SDR9C7: variants seen among roughly 807,000 people sequenced by gnomAD.
SDR9C7 encodes short-chain dehydrogenase/reductase family 9C member 7.
SDR9C7 carries 11 observed loss-of-function variants against 23.6 expected under a neutral mutation model. That is an observed-to-expected ratio of 0.47 (90% CI 0.29 to 0.77). The LOEUF is 0.77. SDR9C7 is among the 30% of genes least tolerant of loss of function. SDR9C7 has a pLI of 0.09. For missense variants in SDR9C7, 387 were observed against 407.1 expected (o/e 0.95, Z 0.42); for synonymous variants, 167 against 157.3 (o/e 1.06, Z -0.46).
intron 3 of SDR9C7, among the ~76,000 whole-genome samples, chr12:56,924,612 A>C (rs1412638204): frequency 6.6e-6 from 1 of 152,156 alleles, no homozygotes; most frequent in Non-Finnish European, 1.5e-5. Context: ...TTGTCTATAA[A>C]ATGGAGATAA....
intron 1 of SDR9C7, among the ~76,000 whole-genome samples, chr12:56,930,702 C>T (rs923448135): frequency 6.6e-5 from 10 of 152,218 alleles, no homozygotes; most frequent in Non-Finnish European, 1.3e-4. Context: ...GGCTAGCTGG[C>T]GCTCTGTACT....
intron 3 of SDR9C7, 112 bp downstream of exon 3, chr12:56,929,278 G>C (rs1955752146): frequency 6.8e-6 from 7 of 1,032,004 alleles, no homozygotes; most frequent in Non-Finnish European, 8.7e-6. Flanking sequence ...TGTGACCTTG[G>C]GTCCTGAACT....
chr12:56,924,417 A>C (rs1291500027), intron 3 of SDR9C7, among the ~76,000 whole-genome samples: 1 of 148,452 alleles, frequency 6.7e-6, no homozygotes, highest in Non-Finnish European at 1.5e-5. Flanking sequence ...AAACAGAATG[A>C]CACGCTGTCT....
chr12:56,926,588 A>T (rs776781524), intron 3 of SDR9C7, among the ~76,000 whole-genome samples: 5 of 152,240 alleles, frequency 3.3e-5, no homozygotes, highest in Non-Finnish European at 7.3e-5. Context: ...TTACTGTAGC[A>T]GAGCTGAGTA....
chr12:56,927,972 T>G (rs1472987538), intron 3 of SDR9C7, among the ~76,000 whole-genome samples: 1 of 152,210 alleles, frequency 6.6e-6, no homozygotes, highest in Non-Finnish European at 1.5e-5. Flanking sequence ...CTAGTGTAAA[T>G]CCTTAGACAT....
chr12:56,925,907 G>A (rs536846589), intron 3 of SDR9C7, among the ~76,000 whole-genome samples: 43 of 152,308 alleles, frequency 2.8e-4, no homozygotes, highest in African/African-American at 8.9e-4. Context: ...CACAGGCAGT[G>A]GGGTGGGAGA....
rs267603591 is a variant in SDR9C7 at position 56,929,403 on chromosome 12, A to C, written c.711T>G (p.Asp237Glu). Residue 237 changes from aspartate to glutamate, a missense_variant, in exon 3 of 4, where the codon GAT (aspartate) becomes GAG (glutamate). Asp to Glu is a conservative substitution (Grantham distance 45). Coordinates refer to ENST00000293502, the MANE Select transcript of SDR9C7 (RefSeq NM_148897.3). Reference sequence around the variant, plus strand: ...CCAGGAACTTACAGATGCGGAAATAATCCTCTCCGTAGCTGTCCCGGGTCT... The same window carrying C: ...CCAGGAACTTACAGATGCGGAAATACTCCTCTCCGTAGCTGTCCCGGGTCT... ...PQETRDSYGE[D>E]YFRIYTDKLK... 2 of 1,604,828 alleles carry C rather than the reference A, an allele frequency of 1.2e-6. No individual in the cohort carries two copies. The highest frequency in any genetic ancestry group is 4.5e-5 in the East Asian group (2 of 44,504).
intron 1 of SDR9C7, among the ~76,000 whole-genome samples, chr12:56,933,696 C>T (rs1193943494): frequency 6.6e-6 from 1 of 152,210 alleles, no homozygotes; most frequent in Non-Finnish European, 1.5e-5. Flanking sequence ...ACACAGAACA[C>T]ATCTTCCCCC....
rs946880924 is a variant in SDR9C7 at position 56,930,401 on chromosome 12, C to G, written c.385G>C (p.Val129Leu). The G allele has an allele frequency of 1.4e-5, 23 of 1,614,054 alleles. No homozygotes were observed. The highest frequency in any genetic ancestry group is 2.7e-5 in the African/African-American group (2 of 74,916). The change falls in exon 2 of 4, where the codon GTG becomes CTG. Residue 129 changes from valine to leucine, a missense_variant. Physicochemically the swap from Val to Leu is conservative, Grantham distance 32. Transcript: ENST00000293502. The part of the protein sequence containing the change: ...EWLTKDDFVK[V>L]INVNLVGLIE... ...AGTCCCACCAGGTTCACATTAATCA[C>G]CTTCACAAAGTCATCCTTGGTCAGC...
At chr12:56,933,865 C>A in intron 1 of SDR9C7, 96 bp downstream of exon 1, 1 of 1,428,486 alleles carries the variant, frequency 7.0e-7, no homozygotes, top group East Asian at 2.3e-5. Flanking sequence ...CCCACCCAAT[C>A]TGGACATCAG....
chr12:56,930,185 G>C lies in SDR9C7; in HGVS notation c.560+41C>G, dbSNP rs1414221458. 5 of 1,605,240 alleles carry C rather than the reference G, an allele frequency of 3.1e-6. No homozygotes were observed. In the African/African-American group the frequency reaches 6.7e-5, roughly 22 times the overall value. ...CACTCCCAACCCTCTCTAATCTCTG[G>C]GATTTTCACCCAGAATTGTTCAGTA... On this transcript the variant is annotated intron_variant, in intron 2 of 3. Coordinates refer to ENST00000293502, the MANE Select transcript of SDR9C7 (RefSeq NM_148897.3).
At chr12:56,933,374 T>C (rs963836271) in intron 1 of SDR9C7, among the ~76,000 whole-genome samples, 3 of 152,098 alleles carry the variant, frequency 2.0e-5, no homozygotes, top group African/African-American at 4.8e-5. Context: ...TTTTTTTTCT[T>C]TTTGAGAGGG....
chr12:56,924,429 A>G (rs936965221), intron 3 of SDR9C7, among the ~76,000 whole-genome samples: 2 of 150,924 alleles, frequency 1.3e-5, no homozygotes, highest in African/African-American at 4.9e-5. Context: ...ACGCTGTCTC[A>G]AAATAAATAA....
intron 1 of SDR9C7, 151 bp downstream of exon 1, chr12:56,933,810 G>A: frequency 1.1e-6 from 1 of 904,612 alleles, no homozygotes; most frequent in East Asian, 2.6e-5. Context: ...CCATGCAGTG[G>A]CTTCCAATCA....
chr12:56,925,738 C>T (rs1955729440), intron 3 of SDR9C7, among the ~76,000 whole-genome samples: 1 of 152,220 alleles, frequency 6.6e-6, no homozygotes, highest in African/African-American at 2.4e-5. Flanking sequence ...ACAGAGGCCA[C>T]CAGCAGCAGG....
At chr12:56,932,108 C>A (rs1480506387) in intron 1 of SDR9C7, among the ~76,000 whole-genome samples, 2 of 152,148 alleles carry the variant, frequency 1.3e-5, no homozygotes, top group Non-Finnish European at 2.9e-5. Context: ...ATCTCTGGAA[C>A]CTGTGAATCT....
Position 56,923,790 on chromosome 12 carries a change from T to TC in SDR9C7, c.*42dup. The TC allele has an allele frequency of 7.0e-7, 1 of 1,437,328 alleles. No individual in the cohort carries two copies. The highest frequency in any genetic ancestry group is 1.3e-5 in the South Asian group (1 of 74,168). 89.0% of individuals were successfully genotyped at this position (1,437,328 alleles called of 1,614,324 possible). On this transcript the variant is annotated 3_prime_UTR_variant, in exon 4 of 4. Transcript: ENST00000293502. ...TTGTGACCCCACGGTCCTTCCTTCCTCCCCCACTTCTAGGCTCCACTGACC... is the reference window on the plus strand; with the variant it reads ...TTGTGACCCCACGGTCCTTCCTTCCTCCCCCCACTTCTAGGCTCCACTGACC...
intron 1 of SDR9C7, among the ~76,000 whole-genome samples, chr12:56,932,919 G>A (rs1331994925): frequency 6.6e-6 from 1 of 152,202 alleles, no homozygotes; most frequent in Non-Finnish European, 1.5e-5. Flanking sequence ...CCAGGGCTCT[G>A]TTGCCCTGAC....
rs200266259 is a variant in SDR9C7, at chr12:56,929,556, G to T, written c.561-3C>A. 141 of 1,594,832 alleles carry T rather than the reference G, an allele frequency of 8.8e-5. No individual in the cohort carries two copies. The highest frequency in any genetic ancestry group is 1.2e-4 in the Non-Finnish European group (138 of 1,163,712). On this transcript the variant is annotated splice_polypyrimidine_tract_variant and splice_region_variant and intron_variant, in intron 2 of 3. Transcript: ENST00000293502. ...CCCCAAAGTAGTAGAGCTCACGCCT[G>T]GGAAAGAAGAGTTGCAGTCAGTCTG...
Sources: gnomAD v4.1 joint callset for allele counts (sites outside exome capture counted in the v4.1 genomes callset) on GRCh38, gnomAD v4.1.1 for gene constraint, MANE v1.5 for transcripts, NCBI Gene and HGNC (gene_info 2026-07-23, HGNC 2026-07-21) for gene names.